The following PCDHA4 variants were observed in gnomAD, a reference collection of about 807,000 sequenced individuals.
PCDHA4 encodes protocadherin alpha 4.
Under a neutral mutation model 61.4 loss-of-function variants are expected in PCDHA4, and 49 were observed. That is an observed-to-expected ratio of 0.80 (90% CI 0.63 to 1.01). PCDHA4 has a LOEUF of 1.01. Ranked by LOEUF, PCDHA4 falls within the 50% of genes least tolerant of loss-of-function variation. The pLI, the probability that PCDHA4 is intolerant of heterozygous loss-of-function variation, is 0.00. For missense variants in PCDHA4, 1,254 were observed against 1,235.8 expected (o/e 1.01, Z -0.22); for synonymous variants, 590 against 550.3 (o/e 1.07, Z -1.01).
intron 1 of PCDHA4, among the ~76,000 whole-genome samples, chr5:140,959,119 G>A (rs576475580): frequency 3.3e-5 from 5 of 152,160 alleles, no homozygotes; most frequent in East Asian, 3.9e-4. Context: ...GAAGGTGGGC[G>A]AGGTGAGCCC....
At chr5:140,985,579 C>T (rs2097158687) in intron 3 of PCDHA4, among the ~76,000 whole-genome samples, 1 of 152,084 alleles carries the variant, frequency 6.6e-6, no homozygotes, top group African/African-American at 2.4e-5. Context: ...GTGCCTAAGC[C>T]TCCTTATACT....
chr5:140,823,749 G>GACAGCC (rs2150128847), intron 1 of PCDHA4: 2 of 1,613,866 alleles, frequency 1.2e-6, no homozygotes, highest in East Asian at 2.2e-5. Flanking sequence ...AGCCCCCGCT[G>GACAGCC]ACAGCCACAG....
chr5:140,946,031 G>A (rs1275615718), intron 1 of PCDHA4, among the ~76,000 whole-genome samples: 2 of 151,984 alleles, frequency 1.3e-5, no homozygotes, highest in African/African-American at 2.4e-5. Flanking sequence ...AAGAAAACAA[G>A]AGTGAAGGGA....
rs1554125030 is a variant in PCDHA4 at position 140,809,152 on chromosome 5, C to A, written c.1965C>A (p.Gly655=). The stretch of plus-strand genomic sequence containing the variant: ...TACTGGTACTGGTGAAGGACCACGG[C>A]GAGCCCGCGCTGACGGCCACGGCCA... ...HRLLVLVKDH[G]EPALTATATV... The change falls in exon 1 of 4, where the codon GGC becomes GGA. Residue 655 remains glycine, a synonymous_variant. Coordinates refer to ENST00000530339, the MANE Select transcript of PCDHA4 (RefSeq NM_018907.4). 6.2e-7 allele frequency: 1 copy of A among 1,613,942 alleles called. No individual in the cohort carries two copies. Among genetic ancestry groups the A allele is most frequent in the East Asian group, 2.2e-5 (1 of 44,872 alleles).
Position 140,853,221 on chromosome 5 carries a change from G to A in PCDHA4, c.2385+43649G>A, listed in dbSNP as rs1021063668. 12 of 983,626 alleles carry A rather than the reference G, an allele frequency of 1.2e-5. 1 individual carries two copies. The highest frequency in any genetic ancestry group is 1.5e-5 in the Non-Finnish European group (12 of 816,248). The allele number at this position is 983,626 out of a possible 1,614,324, so 60.9% of individuals were successfully genotyped here. A position where few individuals can be genotyped will look rare whatever the true frequency, so the allele number is the denominator to read the frequency against. On this transcript the variant is annotated intron_variant, in intron 1 of 3. Transcript: ENST00000530339. ...TATTGACGGCTGTATTGATGGGATT[G>A]GTAATTTAGTCCTTCATATTAATCT...
chr5:140,909,496 G>C (rs1554193832), intron 1 of PCDHA4, among the ~76,000 whole-genome samples: 1 of 152,168 alleles, frequency 6.6e-6, no homozygotes, highest in African/African-American at 2.4e-5. Context: ...GCTGAACGGG[G>C]ATGTGGTGGG....
intron 1 of PCDHA4, chr5:140,835,111 A>G: frequency 2.3e-6 from 3 of 1,290,786 alleles, no homozygotes; most frequent in Middle Eastern, 2.7e-4. Flanking sequence ...CCAGTGTTCG[A>G]CAGAACCCTG....
At chr5:140,927,475 C>A in intron 1 of PCDHA4, 1 of 1,614,110 alleles carries the variant, frequency 6.2e-7, no homozygotes, top group Non-Finnish European at 8.5e-7. Flanking sequence ...GGATCGCGAA[C>A]AGCGCGCCAC....
chr5:140,966,599 C>T, intron 1 of PCDHA4: 1 of 631,096 alleles, frequency 1.6e-6, no homozygotes, highest in Non-Finnish European at 2.4e-6. Context: ...GGCCAGGAGC[C>T]CTTGGGAGGG....
intron 1 of PCDHA4, among the ~76,000 whole-genome samples, chr5:140,888,280 C>T (rs182771664): frequency 2.0e-5 from 3 of 152,210 alleles, no homozygotes; most frequent in African/African-American, 4.8e-5. Context: ...GTTTTGTCCC[C>T]TCTACCCCCT....
At chr5:140,882,891 A>G (rs782750187) in intron 1 of PCDHA4, 3 of 1,614,230 alleles carry the variant, frequency 1.9e-6, no homozygotes, top group Admixed American at 1.7e-5. Context: ...ATTCAGGAAC[A>G]TAGTTTATTA....
At chr5:140,857,656 G>A (rs1269090821) in intron 1 of PCDHA4, 4 of 1,596,690 alleles carry the variant, frequency 2.5e-6, no homozygotes, top group Admixed American at 3.4e-5. Flanking sequence ...AGGTGAGCGC[G>A]CGCGATGGGG....
Position 140,849,623 on chromosome 5 carries a change from C to T in PCDHA4, c.2385+40051C>T, listed in dbSNP as rs1554143110. 1.3e-5 allele frequency: 21 copies of T among 1,598,756 alleles called. 2 individuals are homozygous for T. The highest frequency in any genetic ancestry group is 1.5e-5 in the Non-Finnish European group (18 of 1,167,974). ...TTATTGCCCTGATTAGTGTGATCGA[C>T]CTAGACGCAGATGCCAACGGGCAGG... On this transcript the variant is annotated intron_variant, in intron 1 of 3. Transcript: ENST00000530339.
At chr5:140,956,156 T>C (rs1467785699) in intron 1 of PCDHA4, among the ~76,000 whole-genome samples, 1 of 152,204 alleles carries the variant, frequency 6.6e-6, no homozygotes, top group Non-Finnish European at 1.5e-5. Flanking sequence ...TCTTTCCTAA[T>C]TGCCATAGCC....
chr5:140,888,355 T>C (rs1192266455), intron 1 of PCDHA4, among the ~76,000 whole-genome samples: 1 of 152,214 alleles, frequency 6.6e-6, no homozygotes, highest in Non-Finnish European at 1.5e-5. Context: ...GAATTGCTAC[T>C]GGCATCTAAT....
At chr5:140,863,712 G>A (rs2048130795) in intron 1 of PCDHA4, 1 of 282,034 alleles carries the variant, frequency 3.5e-6, no homozygotes, top group East Asian at 9.1e-5. Flanking sequence ...AAGTACACTG[G>A]GGCCGGGTGC....
chr5:140,838,120 G>T (rs1045969296), intron 1 of PCDHA4, among the ~76,000 whole-genome samples: 1 of 146,176 alleles, frequency 6.8e-6, no homozygotes, highest in Non-Finnish European at 1.5e-5. Flanking sequence ...GTGTGTGTGT[G>T]TGTGTGTGTG....
chr5:140,925,108 G>GGAAGGAAGGAAGGAAGGAA (rs1554202548), intron 1 of PCDHA4, among the ~76,000 whole-genome samples: 8 of 124,780 alleles, frequency 6.4e-5, no homozygotes, highest in South Asian at 4.6e-4. Context: ...GAAGGAAGGA[G>GGAAGGAAGGAAGGAAGGAA]GGAAGGAAGG....
At chr5:140,858,263 T>A (rs781901851) in intron 1 of PCDHA4, 1 of 1,596,360 alleles carries the variant, frequency 6.3e-7, no homozygotes, top group Non-Finnish European at 8.6e-7. Flanking sequence ...CACGCTGGTG[T>A]GCTCTAGCGC....
Sources: gnomAD v4.1 joint callset for allele counts (sites outside exome capture counted in the v4.1 genomes callset) on GRCh38, gnomAD v4.1.1 for gene constraint, MANE v1.5 for transcripts, NCBI Gene and HGNC (gene_info 2026-07-23, HGNC 2026-07-21) for gene names.